Variants in SUGCT observed in about 807,000 individuals in gnomAD.
SUGCT encodes the protein succinyl-CoA:glutarate-CoA transferase, also known as succinyl-CoA:glutarate CoA-transferase.
Under a neutral mutation model 55.0 loss-of-function variants are expected in SUGCT, and 41 were observed. The observed-to-expected ratio is 0.74, with a 90% CI of 0.58 to 0.97. The LOEUF (loss-of-function observed/expected upper bound fraction) is 0.97. Among genes scored for constraint, SUGCT ranks in the 50% least tolerant of loss-of-function variants. The pLI is 0.00. For synonymous variants in SUGCT, 187 were observed against 200.4 expected, an observed-to-expected ratio of 0.93 and a Z score of 0.56; for missense variants, 568 against 547.8, an observed-to-expected ratio of 1.04 and a Z score of -0.37.
chr7:40,416,443 ATTTTC>A (rs1787005143), intron 9 of SUGCT, among the ~76,000 whole-genome samples: 1 of 151,706 alleles, frequency 6.6e-6, no homozygotes, highest in Non-Finnish European at 1.5e-5. Context: ...TACTATATTT[ATTTTC>A]TTCCAATCTG....
intron 8 of SUGCT, among the ~76,000 whole-genome samples, chr7:40,315,647 G>T (rs1266892479): frequency 6.6e-6 from 1 of 152,228 alleles, no homozygotes; most frequent in African/African-American, 2.4e-5. Context: ...GCTGTGCTAG[G>T]TAGGGGGCAA....
At chr7:40,585,647 T>G (rs1300302205) in intron 12 of SUGCT, among the ~76,000 whole-genome samples, 1 of 152,152 alleles carries the variant, frequency 6.6e-6, no homozygotes, top group East Asian at 1.9e-4. Flanking sequence ...GTGTTGGGAT[T>G]TCAGGCGTGA....
At chr7:40,651,468 G>A (rs897159954) in intron 12 of SUGCT, among the ~76,000 whole-genome samples, 3 of 150,754 alleles carry the variant, frequency 2.0e-5, no homozygotes, top group Admixed American at 6.6e-5. Context: ...TAAATTCCTT[G>A]TAGATTCTGG....
intron 13 of SUGCT, among the ~76,000 whole-genome samples, chr7:40,763,287 C>T (rs560662214): frequency 8.1e-4 from 124 of 152,226 alleles, no homozygotes; most frequent in Non-Finnish European, 1.5e-3. Context: ...CACATGGACT[C>T]TCGGGGTGTG....
intron 12 of SUGCT, among the ~76,000 whole-genome samples, chr7:40,595,365 A>T (rs554878735): frequency 5.4e-4 from 83 of 152,296 alleles, no homozygotes; most frequent in African/African-American, 1.9e-3. Context: ...TTTTTGTTGT[A>T]ATATATCATG....
At chr7:40,634,965 G>A (rs1027369538) in intron 12 of SUGCT, among the ~76,000 whole-genome samples, 1 of 152,202 alleles carries the variant, frequency 6.6e-6, no homozygotes, top group Non-Finnish European at 1.5e-5. Context: ...ATAATAGATC[G>A]AACGCAGTTG....
rs575428242 is a variant in SUGCT, at chr7:40,219,006, C to G, written c.485-18629C>G. ...TTGCAATAAGTCTTGCTACTACTCA[C>G]TCTTTGGGTCCGCACTACCTTTATG... On this transcript the variant is annotated intron_variant, in intron 6 of 13. Transcript: ENST00000335693. Among the ~76,000 whole-genome samples the G allele has an allele frequency of 5.9e-5, 9 of 152,194 alleles. 1 individual carries two copies. Among genetic ancestry groups the G allele is most frequent in the Non-Finnish European group, 1.3e-4 (9 of 68,036 alleles).
At chr7:40,249,312 G>GCTATCTATATCTATATCTATATAT (rs1421104147) in intron 7 of SUGCT, among the ~76,000 whole-genome samples, 1 of 22,206 alleles carries the variant, frequency 4.5e-5, no homozygotes, top group Non-Finnish European at 7.2e-5. Flanking sequence ...ACACCAAAAA[G>GCTATCTATATCTATATCTATATAT]CTATATATAT....
At chr7:40,234,677 G>C (rs1024438072) in intron 6 of SUGCT, among the ~76,000 whole-genome samples, 1 of 152,076 alleles carries the variant, frequency 6.6e-6, no homozygotes, top group South Asian at 2.1e-4. Flanking sequence ...GGGAGACTGA[G>C]GCTGGTGGAT....
At chr7:40,617,159 A>G (rs80323311) in intron 12 of SUGCT, among the ~76,000 whole-genome samples, 1,764 of 152,306 alleles carry the variant, frequency 0.012, 22 homozygotes, top group African/African-American at 0.04. Flanking sequence ...AATCAATCCT[A>G]AAGACTGGAA....
intron 6 of SUGCT, among the ~76,000 whole-genome samples, chr7:40,208,357 G>A (rs1439404089): frequency 6.6e-6 from 1 of 151,998 alleles, no homozygotes; most frequent in Non-Finnish European, 1.5e-5. Context: ...TGTATATTTT[G>A]CCACAATTTT....
chr7:40,901,489 A>G, the SUGCT span, among the ~76,000 whole-genome samples: 1 of 148,272 alleles, frequency 6.7e-6, no homozygotes, highest in South Asian at 2.1e-4. Flanking sequence ...AGTATACTAG[A>G]CAGTGCAGTT....
At chr7:40,536,161 C>G (rs1032954721) in intron 12 of SUGCT, among the ~76,000 whole-genome samples, 1 of 152,072 alleles carries the variant, frequency 6.6e-6, no homozygotes. Context: ...TGTGCAGAAG[C>G]TTTTTAGTTT....
chr7:40,598,829 A>G (rs1349420830), intron 12 of SUGCT, among the ~76,000 whole-genome samples: 1 of 152,208 alleles, frequency 6.6e-6, no homozygotes, highest in Non-Finnish European at 1.5e-5. Flanking sequence ...TTCAAACCAC[A>G]CATGTGTGAT....
At chr7:40,247,215 G>A (rs1789945506) in intron 7 of SUGCT, among the ~76,000 whole-genome samples, 1 of 152,132 alleles carries the variant, frequency 6.6e-6, no homozygotes, top group South Asian at 2.1e-4. Context: ...TGTAGTAGCA[G>A]TGTTTGAGAG....
intron 9 of SUGCT, among the ~76,000 whole-genome samples, chr7:40,393,484 A>G (rs903222813): frequency 1.3e-5 from 2 of 152,202 alleles, no homozygotes; most frequent in Non-Finnish European, 2.9e-5. Context: ...GACTTGAGGC[A>G]GCAAGTAGGG....
chr7:40,202,257 G>A (rs1265212444), intron 6 of SUGCT, among the ~76,000 whole-genome samples: 2 of 152,172 alleles, frequency 1.3e-5, no homozygotes, highest in African/African-American at 4.8e-5. Flanking sequence ...ATAGACGTGA[G>A]CCACCATGCC....
intron 12 of SUGCT, among the ~76,000 whole-genome samples, chr7:40,619,589 T>G (rs555163261): frequency 6.6e-6 from 1 of 152,344 alleles, no homozygotes; most frequent in South Asian, 2.1e-4. Flanking sequence ...ACAATTTTTG[T>G]TTGGGATTTT....
chr7:40,913,240 A>G, the SUGCT span, among the ~76,000 whole-genome samples: 2 of 152,000 alleles, frequency 1.3e-5, no homozygotes. Context: ...CCAACCTTTG[A>G]TGGACACACC....
Sources: gnomAD v4.1 joint callset for allele counts (sites outside exome capture counted in the v4.1 genomes callset) on GRCh38, gnomAD v4.1.1 for gene constraint, MANE v1.5 for transcripts, NCBI Gene and HGNC (gene_info 2026-07-23, HGNC 2026-07-21) for gene names.